LIG1: variants seen among roughly 807,000 people sequenced by gnomAD.
The protein encoded by LIG1 is ligase I, DNA, ATP-dependent.
Under a neutral mutation model 115.7 loss-of-function variants are expected in LIG1, and 70 were observed. That is an observed-to-expected ratio of 0.60 (90% CI 0.50 to 0.74). LIG1 has a LOEUF of 0.74. Among genes scored for constraint, LIG1 ranks in the 30% least tolerant of loss-of-function variants. The pLI is 0.00. For synonymous variants in LIG1, 487 were observed against 495.3 expected, an observed-to-expected ratio of 0.98 and a Z score of 0.22; for missense variants, 1,115 against 1,225.6, an observed-to-expected ratio of 0.91 and a Z score of 1.35.
intron 7 of LIG1, 69 bp from the exon 8 acceptor site, chr19:48,150,279 A>C: frequency 6.3e-7 from 1 of 1,584,944 alleles, no homozygotes; most frequent in South Asian, 1.1e-5. Context: ...CTTTTTTTTT[A>C]CCCCCAAGAT....
At position 48,148,245 on chromosome 19, in the gene LIG1, G is replaced by A. The variant is rs563491890; in HGVS notation, c.776+1518C>T. ...TCCCAGCACTTTGAGAGGCTGAGGC[G>A]GCCAGAACACCTGAGATTAGGAGTT... On this transcript the variant is annotated intron_variant, in intron 9 of 27. Transcript: ENST00000263274. 8.7e-4 allele frequency among the ~76,000 whole-genome samples: 132 copies of A among 152,244 alleles called. 1 individual carries two copies. The highest frequency in any genetic ancestry group is 2.5e-3 in the African/African-American group (105 of 41,560).
intron 7 of LIG1, 85 bp from the exon 8 acceptor site, chr19:48,150,295 T>C: frequency 6.3e-7 from 1 of 1,589,900 alleles, no homozygotes. Flanking sequence ...AAGATCATTC[T>C]GACCCTGCAG....
At chr19:48,120,463 T>A in intron 24 of LIG1, 1 of 985,478 alleles carries the variant, frequency 1.0e-6, no homozygotes, top group Non-Finnish European at 1.2e-6. Context: ...GGTGATATTT[T>A]GTTCTGTTTC....
chr19:48,124,657 A>G (rs1289966770), intron 21 of LIG1, among the ~76,000 whole-genome samples: 1 of 152,250 alleles, frequency 6.6e-6, no homozygotes, highest in African/African-American at 2.4e-5. Context: ...TAGACATTGG[A>G]TTAAAGAAAA....
Position 48,120,900 on chromosome 19 carries a change from A to T in LIG1, c.2385+270T>A, listed in dbSNP as rs899974838. 6 of 1,267,152 alleles carry T rather than the reference A, an allele frequency of 4.7e-6. No homozygotes were observed. In the African/African-American group the frequency reaches 7.7e-5, roughly 16 times the overall value. The allele number at this position is 1,267,152 out of a possible 1,614,324, so 78.5% of individuals were successfully genotyped here. ...CACACTTCTCATTTCATAACAAAAA[A>T]ATTCTTTTCTTATGTGAGCCACCAC... On this transcript the variant is annotated intron_variant, in intron 24 of 27. Coordinates refer to ENST00000263274, the MANE Select transcript of LIG1 (RefSeq NM_000234.3).
At chr19:48,148,080 G>A (rs1345012902) in intron 9 of LIG1, among the ~76,000 whole-genome samples, 1 of 144,692 alleles carries the variant, frequency 6.9e-6, no homozygotes, top group Non-Finnish European at 1.6e-5. Context: ...GAGGCACCCG[G>A]CTTCCCTAAG....
intron 1 of LIG1, among the ~76,000 whole-genome samples, chr19:48,166,509 C>T (rs545144934): frequency 1.4e-4 from 18 of 126,372 alleles, no homozygotes; most frequent in African/African-American, 4.5e-4. Flanking sequence ...GAGGGACAGA[C>T]GCTGGAGGGA....
chr19:48,159,651 G>C (rs1404226314), intron 4 of LIG1, among the ~76,000 whole-genome samples: 2 of 152,238 alleles, frequency 1.3e-5, no homozygotes, highest in African/African-American at 2.4e-5. Flanking sequence ...GGAGAGGAAA[G>C]TCAGGGTGAG....
chr19:48,137,147 C>T lies in LIG1; in HGVS notation c.1255-63G>A. 2 of 1,338,626 alleles carry T rather than the reference C, an allele frequency of 1.5e-6. No individual in the cohort carries two copies. Among genetic ancestry groups the T allele is most frequent in the Non-Finnish European group, 2.1e-6 (2 of 943,352 alleles). 82.9% of individuals were successfully genotyped at this position (1,338,626 alleles called of 1,614,324 possible). ...AGGCAGGGACCACACCTCCACCCCA[C>T]CAGCCGTGCTGCTGCCCTGCATTTT... On this transcript the variant is annotated intron_variant, in intron 13 of 27. Transcript: ENST00000263274. The surrounding 1 kb of genome is among the most constrained non-coding windows in gnomAD (Gnocchi z 4.3).
At chr19:48,123,571 T>C (rs2033450841) in intron 21 of LIG1, 2 of 560,134 alleles carry the variant, frequency 3.6e-6, no homozygotes, top group Non-Finnish European at 6.4e-6. Flanking sequence ...GCTGCGGCCT[T>C]GCTGGAGCTT....
intron 15 of LIG1, 26 bp downstream of exon 15, chr19:48,136,008 T>G: frequency 6.5e-7 from 1 of 1,530,100 alleles, no homozygotes; most frequent in Non-Finnish European, 8.8e-7. Flanking sequence ...CAGCGAGGGA[T>G]GCAGAGACGG....
At chr19:48,129,147 C>A (rs1354849819) in intron 19 of LIG1, among the ~76,000 whole-genome samples, 1 of 151,226 alleles carries the variant, frequency 6.6e-6, no homozygotes, top group Admixed American at 6.6e-5. Context: ...CTGCCTCCCA[C>A]GTTCAAGTGA....
At chr19:48,162,433 C>CCT in intron 2 of LIG1, 82 bp from the exon 3 acceptor site, 1 of 632,034 alleles carries the variant, frequency 1.6e-6, no homozygotes, top group South Asian at 1.9e-5. Context: ...CTATAACTTC[C>CCT]TTTTTTTTTT....
At chr19:48,163,241 T>TG (rs2036288827) in intron 2 of LIG1, among the ~76,000 whole-genome samples, 1 of 147,928 alleles carries the variant, frequency 6.8e-6, no homozygotes, top group Non-Finnish European at 1.5e-5. Flanking sequence ...TTTTTTGAGA[T>TG]GGAGTTTTCA....
At chr19:48,125,723 T>C (rs2122441943) in intron 21 of LIG1, among the ~76,000 whole-genome samples, 1 of 151,966 alleles carries the variant, frequency 6.6e-6, no homozygotes, top group South Asian at 2.1e-4. Flanking sequence ...GCGTGGTGGC[T>C]CACGCCTGTA....
At chr19:48,140,188 A>G in intron 11 of LIG1, 45 bp from the exon 12 acceptor site, 1 of 1,565,394 alleles carries the variant, frequency 6.4e-7, no homozygotes, top group Non-Finnish European at 8.7e-7. Context: ...CCTCAAGGTC[A>G]AAGTGTGGTG....
At chr19:48,165,413 C>T in intron 2 of LIG1, 137 bp downstream of exon 2, 1 of 768,630 alleles carries the variant, frequency 1.3e-6, no homozygotes, top group Non-Finnish European at 2.3e-6. Context: ...TTCCATACTA[C>T]TTGACTCCTG....
At chr19:48,148,474 CAAA>C (rs55722968) in intron 9 of LIG1, among the ~76,000 whole-genome samples, 21,731 of 97,220 alleles carry the variant, frequency 0.22, 1,847 homozygotes, top group African/African-American at 0.29. Context: ...GATTCCATCT[CAAA>C]AAAAAAAAAA....
chr19:48,122,935 T>C lies in LIG1; in HGVS notation c.2231A>G (p.Lys744Arg). 7 of 1,612,884 alleles carry C rather than the reference T, an allele frequency of 4.3e-6. No homozygotes were observed. Among genetic ancestry groups the C allele is most frequent in the Non-Finnish European group, 5.9e-6 (7 of 1,179,796 alleles). The change falls in exon 23 of 28, where the codon AAG becomes AGG. Residue 744 changes from lysine to arginine, a missense_variant and splice_region_variant. By Grantham distance (26) the Lys-to-Arg change is conservative (BLOSUM62 2). Coordinates refer to ENST00000263274, the MANE Select transcript of LIG1 (RefSeq NM_000234.3). This position sits in a 1 kb window ranked among gnomAD's most constrained non-coding sequence, Gnocchi z 4.3. ...GCCCAGTTGGGGGTCGAGAATCACC[T>C]TGAGCCAGTTGTGCGATCTCTTGGC... is the stretch of plus-strand genomic sequence containing the variant. Reference protein sequence around the residue: ...EIAKRSHNWLKLKKDYLDGVG... With the variant: ...EIAKRSHNWLRLKKDYLDGVG...
Sources: gnomAD v4.1 joint callset for allele counts (sites outside exome capture counted in the v4.1 genomes callset) on GRCh38, gnomAD v4.1.1 for gene constraint, Gnocchi (gnomAD v3.1) non-coding constraint, MANE v1.5 for transcripts, NCBI Gene and HGNC (gene_info 2026-07-23, HGNC 2026-07-21) for gene names.